SBF2: variants seen among roughly 807,000 people sequenced by gnomAD.
SBF2 encodes the protein SET binding factor 2, also known as myotubularin-related protein 13.
A neutral mutation model predicts 225.2 loss-of-function variants in SBF2; 112 were observed. That is an observed-to-expected ratio of 0.50 (90% CI 0.43 to 0.58). SBF2 has a LOEUF of 0.58. SBF2 is among the 20% of genes least tolerant of loss of function. SBF2 has a pLI of 0.00. For missense variants in SBF2, 1,996 were observed against 2,206.2 expected (o/e 0.90, Z 1.91); for synonymous variants, 763 against 773.3 (o/e 0.99, Z 0.22).
intron 16 of SBF2, chr11:9,928,953 G>T: frequency 2.2e-6 from 1 of 458,642 alleles, no homozygotes; most frequent in Middle Eastern, 6.6e-4. Flanking sequence ...GTTCAAAACG[G>T]GTCATAAAGC....
chr11:10,116,012 C>CA (rs1230951249), intron 2 of SBF2, among the ~76,000 whole-genome samples: 1 of 151,642 alleles, frequency 6.6e-6, no homozygotes, highest in African/African-American at 2.4e-5. Context: ...TAAAAAAATA[C>CA]AAAAAAATTA....
chr11:10,230,896 G>T (rs1164925204), intron 1 of SBF2, among the ~76,000 whole-genome samples: 1 of 152,138 alleles, frequency 6.6e-6, no homozygotes, highest in African/African-American at 2.4e-5. Flanking sequence ...ATAATATCCT[G>T]CAGAGTGTTT....
At chr11:9,825,044 T>C (rs1854987696) in intron 28 of SBF2, among the ~76,000 whole-genome samples, 2 of 151,966 alleles carry the variant, frequency 1.3e-5, no homozygotes, top group African/African-American at 4.8e-5. Flanking sequence ...TTCAGAAAAA[T>C]GATATATATG....
chr11:9,910,179 C>G (rs1017524135), intron 16 of SBF2, among the ~76,000 whole-genome samples: 1 of 151,756 alleles, frequency 6.6e-6, no homozygotes, highest in African/African-American at 2.4e-5. Context: ...CAATGATGGA[C>G]TGCATATATG....
intron 17 of SBF2, among the ~76,000 whole-genome samples, chr11:9,889,286 C>G (rs1010986104): frequency 4.6e-5 from 7 of 152,170 alleles, no homozygotes; most frequent in African/African-American, 1.7e-4. Flanking sequence ...ATACAAATGA[C>G]ACAGATTACT....
chr11:9,880,352 G>A (rs368206276), intron 17 of SBF2, among the ~76,000 whole-genome samples: 31 of 152,146 alleles, frequency 2.0e-4, no homozygotes, highest in African/African-American at 7.2e-4. Flanking sequence ...TCTAAATTTC[G>A]CGCTTCTTTT....
chr11:10,190,377 A>G (rs1317939581), intron 2 of SBF2, among the ~76,000 whole-genome samples: 1 of 152,212 alleles, frequency 6.6e-6, no homozygotes, highest in African/African-American at 2.4e-5. Flanking sequence ...TGTATGCCTA[A>G]AAAGCACAAG....
At chr11:10,026,413 TG>T (rs759970848) in intron 6 of SBF2, among the ~76,000 whole-genome samples, 6 of 152,134 alleles carry the variant, frequency 3.9e-5, no homozygotes, top group Non-Finnish European at 5.9e-5. Flanking sequence ...ACAGACAAGC[TG>T]CAGGTAGTCC....
chr11:9,974,458 C>T (rs752227122), intron 13 of SBF2, among the ~76,000 whole-genome samples: 5 of 152,072 alleles, frequency 3.3e-5, no homozygotes, highest in African/African-American at 9.7e-5. Context: ...TTGAGAACCA[C>T]TGCTCTAATT....
chr11:10,127,956 A>G (rs531467503), intron 2 of SBF2, among the ~76,000 whole-genome samples: 1 of 152,360 alleles, frequency 6.6e-6, no homozygotes, highest in African/African-American at 2.4e-5. Context: ...AAATGGCAAG[A>G]ATAAAAGTAT....
At chr11:9,999,514 G>T (rs541415132) in intron 8 of SBF2, among the ~76,000 whole-genome samples, 4 of 152,106 alleles carry the variant, frequency 2.6e-5, no homozygotes, top group Admixed American at 2.6e-4. Flanking sequence ...TAGAGACAGG[G>T]TTTCTCCATG....
intron 1 of SBF2, among the ~76,000 whole-genome samples, chr11:10,204,240 CAA>C (rs200904886): frequency 0.3 from 27,142 of 90,816 alleles, 2,672 homozygotes; most frequent in East Asian, 0.4. Flanking sequence ...ATACTGAAAG[CAA>C]AAAAAAAAAA....
chr11:10,111,624 C>T (rs1952851064), intron 2 of SBF2, among the ~76,000 whole-genome samples: 1 of 152,182 alleles, frequency 6.6e-6, no homozygotes, highest in African/African-American at 2.4e-5. Flanking sequence ...GCCTGTAATC[C>T]CAGCACTTTG....
intron 1 of SBF2, among the ~76,000 whole-genome samples, chr11:10,201,705 T>C (rs939298330): frequency 2.0e-5 from 3 of 152,124 alleles, no homozygotes; most frequent in East Asian, 1.9e-4. Flanking sequence ...TTTACAGAAG[T>C]GAAAAAGAAT....
chr11:10,281,164 T>A (rs55771749), intron 1 of SBF2, among the ~76,000 whole-genome samples: 6 of 152,248 alleles, frequency 3.9e-5, no homozygotes, highest in Non-Finnish European at 8.8e-5. Context: ...AAAATTCATA[T>A]TAAAATAATA....
chr11:10,179,109 C>A (rs1489520687), intron 2 of SBF2, among the ~76,000 whole-genome samples: 1 of 150,962 alleles, frequency 6.6e-6, no homozygotes, highest in Non-Finnish European at 1.5e-5. Flanking sequence ...AAACGAAACA[C>A]CACATATTCT....
intron 16 of SBF2, among the ~76,000 whole-genome samples, chr11:9,954,215 G>A (rs1390880883): frequency 1.3e-5 from 2 of 152,168 alleles, no homozygotes; most frequent in African/African-American, 2.4e-5. Context: ...AGGAAAGACA[G>A]AAGAATAACT....
chr11:9,860,174 CA>C (rs1263497481), intron 17 of SBF2, among the ~76,000 whole-genome samples: 1 of 152,004 alleles, frequency 6.6e-6, no homozygotes, highest in African/African-American at 2.4e-5. Context: ...ACATGGATTA[CA>C]CACTTTTTCC....
intron 16 of SBF2, among the ~76,000 whole-genome samples, chr11:9,901,546 C>T (rs550246530): frequency 6.6e-6 from 1 of 152,316 alleles, no homozygotes; most frequent in East Asian, 1.9e-4. Context: ...AAAACAGACT[C>T]TTTGTGGCAA....
Sources: gnomAD v4.1 joint callset for allele counts (sites outside exome capture counted in the v4.1 genomes callset) on GRCh38, gnomAD v4.1.1 for gene constraint, MANE v1.5 for transcripts, NCBI Gene and HGNC (gene_info 2026-07-23, HGNC 2026-07-21) for gene names.